Variants in SEZ6 observed in about 807,000 individuals in gnomAD.
SEZ6 encodes seizure protein 6 homolog.
Under a neutral mutation model 101.0 loss-of-function variants are expected in SEZ6, and 53 were observed. The ratio of observed to expected loss-of-function variants is 0.52; its 90% CI spans 0.42 to 0.66. The LOEUF is 0.66. Among genes scored for constraint, SEZ6 ranks in the 30% least tolerant of loss-of-function variants. SEZ6 has a pLI of 0.00. For synonymous variants in SEZ6, 488 were observed against 512.2 expected (o/e 0.95, Z 0.64); for missense variants, 1,102 against 1,289.4 (o/e 0.85, Z 2.23).
chr17:28,977,351 A>G (rs922925310), intron 3 of SEZ6, among the ~76,000 whole-genome samples: 3 of 152,126 alleles, frequency 2.0e-5, no homozygotes, highest in Non-Finnish European at 4.4e-5. Context: ...CCTCCCCTCC[A>G]TGACTTCAGA....
chr17:28,975,128 A>C (rs908549405), intron 3 of SEZ6, among the ~76,000 whole-genome samples: 9 of 151,792 alleles, frequency 5.9e-5, no homozygotes, highest in Non-Finnish European at 7.4e-5. Flanking sequence ...CCCTGGTAAA[A>C]CCTTGGCATT....
intron 1 of SEZ6, among the ~76,000 whole-genome samples, chr17:28,987,660 T>C (rs997529860): frequency 1.3e-5 from 2 of 152,126 alleles, no homozygotes; most frequent in African/African-American, 4.8e-5. Context: ...CTGTGGTTGG[T>C]AGCCAGGAAA....
At chr17:28,960,722 G>A in intron 6 of SEZ6, 51 bp from the exon 7 acceptor site, 2 of 1,612,156 alleles carry the variant, frequency 1.2e-6, no homozygotes, top group Non-Finnish European at 1.7e-6. Context: ...CCCAGATGGG[G>A]TGTGGCCCCA....
Position 28,956,774 on chromosome 17 carries a change from G to A in SEZ6, c.2693-17C>T, listed in dbSNP as rs200215830. The A allele has an allele frequency of 1.5e-5, 23 of 1,560,220 alleles. No homozygotes were observed. In the African/African-American group the frequency reaches 3.0e-4, roughly 20 times the overall value. On this transcript the variant is annotated splice_polypyrimidine_tract_variant and intron_variant, in intron 13 of 16. Coordinates refer to ENST00000317338, the MANE Select transcript of SEZ6 (RefSeq NM_178860.5). Reference sequence around the variant, plus strand: ...CCAGAGAGGCTGGAACAAAAGGGGAGGGCCAAGGGCAGTGAGTGAGCCCAA... The same window carrying A: ...CCAGAGAGGCTGGAACAAAAGGGGAAGGCCAAGGGCAGTGAGTGAGCCCAA...
Position 28,969,939 on chromosome 17 carries a change from C to T in SEZ6, c.872G>A (p.Ser291Asn). 1 of 1,539,428 alleles carries T rather than the reference C, an allele frequency of 6.5e-7. No homozygotes were observed. Among genetic ancestry groups the T allele is most frequent in the Non-Finnish European group, 8.7e-7 (1 of 1,152,532 alleles). The change falls in exon 4 of 17, where the codon AGC (serine) becomes AAC (asparagine). Residue 291 changes from serine (S) to asparagine (N), a missense_variant. By Grantham distance (46) the Ser-to-Asn change is conservative. Coordinates refer to ENST00000317338, the MANE Select transcript of SEZ6 (RefSeq NM_178860.5). Reference sequence around the variant, plus strand: ...AGTCACTGTCTCCCCTTCCCGGAGGCTGATATTCTGGACCTGTCAGTAGAG... The same window carrying T: ...AGTCACTGTCTCCCCTTCCCGGAGGTTGATATTCTGGACCTGTCAGTAGAG... ...YGVEIKVQNISLREGETVTVE... is the reference protein window; with the variant it reads ...YGVEIKVQNINLREGETVTVE...
intron 1 of SEZ6, among the ~76,000 whole-genome samples, chr17:28,988,097 T>G (rs1259925234): frequency 1.3e-5 from 2 of 152,212 alleles, no homozygotes; most frequent in Non-Finnish European, 2.9e-5. Context: ...CAAAAGGAAC[T>G]TCTCATCGTC....
intron 5 of SEZ6, among the ~76,000 whole-genome samples, chr17:28,961,958 C>A (rs1488345378): frequency 2.6e-5 from 4 of 152,172 alleles, no homozygotes; most frequent in Non-Finnish European, 5.9e-5. Context: ...AAAGGACAGA[C>A]CTGCCTCAGC....
intron 1 of SEZ6, among the ~76,000 whole-genome samples, chr17:28,990,041 C>T (rs962326609): frequency 6.6e-5 from 10 of 152,098 alleles, no homozygotes; most frequent in Admixed American, 5.9e-4. Flanking sequence ...CATTGCACTC[C>T]ATCCTGGGCG....
chr17:29,004,349 TCA>T (rs2041655801), intron 1 of SEZ6, among the ~76,000 whole-genome samples: 1 of 152,178 alleles, frequency 6.6e-6, no homozygotes, highest in African/African-American at 2.4e-5. Flanking sequence ...AGGCAGGGAT[TCA>T]CACTTCTCCT....
chr17:29,006,053 C>T (rs533442612), upstream of SEZ6: 24 of 392,172 alleles, frequency 6.1e-5, no homozygotes, highest in South Asian at 7.8e-4. Context: ...CTGGCGACGG[C>T]GCCGGGGATC....
At chr17:28,971,542 G>A (rs751406905) in intron 3 of SEZ6, among the ~76,000 whole-genome samples, 5 of 151,934 alleles carry the variant, frequency 3.3e-5, no homozygotes, top group Non-Finnish European at 7.4e-5. Context: ...GCGGTGAGCC[G>A]AGATCGCGCC....
At position 28,981,132 on chromosome 17, in the gene SEZ6, A is replaced by G. The variant is rs570334970; in HGVS notation, c.724+239T>C. On this transcript the variant is annotated intron_variant, in intron 2 of 16. Coordinates refer to ENST00000317338, the MANE Select transcript of SEZ6 (RefSeq NM_178860.5). ...GAGGGTCTTGAACTCCTGACCTCAG[A>G]TGATCCACTGGCCTCTGCCTCCCAA... is the stretch of plus-strand genomic sequence containing the variant. 4.0e-5 allele frequency among the ~76,000 whole-genome samples: 6 copies of G among 149,826 alleles called. No homozygotes were observed. In the South Asian group the frequency reaches 1.3e-3, roughly 32 times the overall value.
chr17:28,984,342 T>C (rs529507140), intron 1 of SEZ6, among the ~76,000 whole-genome samples: 2 of 152,350 alleles, frequency 1.3e-5, no homozygotes, highest in East Asian at 3.9e-4. Flanking sequence ...GGGGGGCTTT[T>C]CTAATCACAT....
At chr17:28,992,100 A>G (rs1172047274) in intron 1 of SEZ6, among the ~76,000 whole-genome samples, 1 of 152,176 alleles carries the variant, frequency 6.6e-6, no homozygotes, top group African/African-American at 2.4e-5. Context: ...AGAGGCACTC[A>G]CATTTACTGA....
At chr17:28,970,557 C>A (rs771612682) in intron 3 of SEZ6, among the ~76,000 whole-genome samples, 17 of 152,198 alleles carry the variant, frequency 1.1e-4, no homozygotes, top group South Asian at 2.1e-4. Context: ...TCATTCAGTC[C>A]TGTCAACTGG....
At chr17:28,958,931 G>A (rs1176899627) in intron 10 of SEZ6, 94 bp downstream of exon 10, 5 of 1,360,148 alleles carry the variant, frequency 3.7e-6, no homozygotes, top group Non-Finnish European at 5.0e-6. Context: ...GCTTACTCTT[G>A]TCTGAGACAG....
intron 1 of SEZ6, among the ~76,000 whole-genome samples, chr17:28,987,515 A>C (rs2041400551): frequency 6.6e-6 from 1 of 152,180 alleles, no homozygotes; most frequent in African/African-American, 2.4e-5. Flanking sequence ...GCTGCTATCC[A>C]TCTGCTTGTA....
intron 1 of SEZ6, among the ~76,000 whole-genome samples, chr17:28,983,749 A>G (rs1040180421): frequency 4.6e-5 from 7 of 152,120 alleles, no homozygotes; most frequent in African/African-American, 1.7e-4. Context: ...AAATGGCTGC[A>G]TGAGGACTTG....
chr17:28,971,021 C>T (rs1184439725), intron 3 of SEZ6, among the ~76,000 whole-genome samples: 1 of 152,192 alleles, frequency 6.6e-6, no homozygotes, highest in Non-Finnish European at 1.5e-5. Context: ...CCTTGAGCAT[C>T]TTTCTGGGCT....
Sources: gnomAD v4.1 joint callset for allele counts (sites outside exome capture counted in the v4.1 genomes callset) on GRCh38, gnomAD v4.1.1 for gene constraint, MANE v1.5 for transcripts, NCBI Gene and HGNC (gene_info 2026-07-23, HGNC 2026-07-21) for gene names.